ANO6: variants seen among roughly 807,000 people sequenced by gnomAD.
The protein encoded by ANO6 is anoctamin-6.
Under a neutral mutation model 117.5 loss-of-function variants are expected in ANO6, and 106 were observed. The observed-to-expected ratio is 0.90, with a 90% CI of 0.77 to 1.06. ANO6 has a LOEUF of 1.06. Among genes scored for constraint, ANO6 ranks in the 50% least tolerant of loss-of-function variants. The pLI, the probability that ANO6 is intolerant of heterozygous loss-of-function variation, is 0.00. For synonymous variants in ANO6, 367 were observed against 385.1 expected (o/e 0.95, Z 0.55); for missense variants, 955 against 1,121.1 (o/e 0.85, Z 2.12).
intron 11 of ANO6, among the ~76,000 whole-genome samples, chr12:45,390,173 G>A (rs75983301): frequency 0.013 from 1,985 of 152,212 alleles, 38 homozygotes; most frequent in African/African-American, 0.042. Context: ...TCCTGAGCTC[G>A]GGTCGTGGCC....
intron 1 of ANO6, among the ~76,000 whole-genome samples, chr12:45,260,460 G>A (rs1029184468): frequency 3.3e-5 from 5 of 152,224 alleles, no homozygotes; most frequent in African/African-American, 1.2e-4. Flanking sequence ...GCAAGGCAAA[G>A]CAAAGGACAA....
At chr12:45,348,764 C>A (rs1941208954) in intron 6 of ANO6, 133 bp downstream of exon 6, 2 of 744,226 alleles carry the variant, frequency 2.7e-6, no homozygotes, top group Non-Finnish European at 4.8e-6. Context: ...AGATTACAAG[C>A]TCATTTAGGG....
intron 11 of ANO6, among the ~76,000 whole-genome samples, chr12:45,389,049 G>A (rs1294932027): frequency 6.6e-6 from 1 of 152,150 alleles, no homozygotes; most frequent in Non-Finnish European, 1.5e-5. Flanking sequence ...ATCAGCATAA[G>A]AACAGTAGGT....
chr12:45,372,821 A>G (rs1224722322), intron 9 of ANO6, among the ~76,000 whole-genome samples: 28 of 152,352 alleles, frequency 1.8e-4, no homozygotes, highest in Admixed American at 6.5e-5. Flanking sequence ...CAAAATCACC[A>G]GCTAACATCA....
At chr12:45,293,772 A>G (rs1939196713) in intron 1 of ANO6, among the ~76,000 whole-genome samples, 1 of 121,540 alleles carries the variant, frequency 8.2e-6, no homozygotes, top group Non-Finnish European at 1.6e-5. Context: ...TTTAGTAGAG[A>G]CAGGGTTTCA....
intron 3 of ANO6, among the ~76,000 whole-genome samples, chr12:45,339,723 C>T (rs935768262): frequency 1.3e-5 from 2 of 152,000 alleles, no homozygotes; most frequent in Non-Finnish European, 2.9e-5. Flanking sequence ...ACCAAACCTT[C>T]GGGAGAACTA....
intron 10 of ANO6, among the ~76,000 whole-genome samples, chr12:45,387,835 A>G (rs1472659935): frequency 1.3e-5 from 2 of 152,078 alleles, no homozygotes; most frequent in Non-Finnish European, 2.9e-5. Flanking sequence ...TCCTGTTCTC[A>G]TGATAGTGAG....
chr12:45,264,708 A>G (rs17095584), intron 1 of ANO6, among the ~76,000 whole-genome samples: 4,804 of 152,330 alleles, frequency 0.032, 119 homozygotes, highest in East Asian at 0.069. Flanking sequence ...GTGGTACAGT[A>G]AATCTTGCTT....
intron 2 of ANO6, among the ~76,000 whole-genome samples, chr12:45,322,726 G>C (rs975807023): frequency 3.9e-5 from 6 of 152,164 alleles, no homozygotes; most frequent in African/African-American, 1.4e-4. Context: ...AACTGCCTCA[G>C]AGGTAGAGGC....
chr12:45,260,184 T>C (rs1367144105), intron 1 of ANO6, among the ~76,000 whole-genome samples: 1 of 152,226 alleles, frequency 6.6e-6, no homozygotes, highest in African/African-American at 2.4e-5. Flanking sequence ...GGTTGAGTTT[T>C]ATAGCCCAAA....
intron 3 of ANO6, among the ~76,000 whole-genome samples, chr12:45,333,040 T>C (rs1940720076): frequency 6.6e-6 from 1 of 151,976 alleles, no homozygotes; most frequent in Non-Finnish European, 1.5e-5. Flanking sequence ...CATTGTTGAA[T>C]TTTTTCTTAT....
chr12:45,236,045 A>G (rs1178447946), intron 1 of ANO6, among the ~76,000 whole-genome samples: 1 of 152,226 alleles, frequency 6.6e-6, no homozygotes, highest in East Asian at 1.9e-4. Context: ...CTGCCTCAGG[A>G]GAAGGAAATT....
chr12:45,239,079 T>G (rs947613486), intron 1 of ANO6, among the ~76,000 whole-genome samples: 3 of 152,232 alleles, frequency 2.0e-5, no homozygotes, highest in Non-Finnish European at 4.4e-5. Context: ...GAGGATTCCC[T>G]CTTTTTCTAT....
In ANO6 at chr12:45,216,112, C is replaced by T. The variant is rs1947304161; in HGVS notation, c.-210C>T. The T allele has an allele frequency of 1.2e-5, 7 of 572,666 alleles. No individual in the cohort carries two copies. The highest frequency in any genetic ancestry group is 5.9e-5 in the African/African-American group (3 of 50,654). The allele number at this position is 572,666 out of a possible 1,614,324, so 35.5% of individuals were successfully genotyped here. A position where few individuals can be genotyped will look rare whatever the true frequency, so the allele number is the denominator to read the frequency against. On this transcript the variant is annotated 5_prime_UTR_variant, in exon 1 of 20. Coordinates refer to ENST00000320560, the MANE Select transcript of ANO6 (RefSeq NM_001025356.3). The stretch of plus-strand genomic sequence containing the variant: ...GCATGCTCAGTCTCCGGGCTCCGCT[C>T]GGCAGGCGAGAGGCGTCCTCCGGCT...
chr12:45,371,747 C>T (rs1257105203), intron 9 of ANO6, among the ~76,000 whole-genome samples: 1 of 152,212 alleles, frequency 6.6e-6, no homozygotes, highest in African/African-American at 2.4e-5. Flanking sequence ...TAGATAAAAC[C>T]ACAAAGATGG....
intron 8 of ANO6, among the ~76,000 whole-genome samples, chr12:45,360,285 C>G (rs931712050): frequency 1.3e-5 from 2 of 152,106 alleles, no homozygotes; most frequent in African/African-American, 2.4e-5. Flanking sequence ...ATCAAGTTGC[C>G]GACATTTGGT....
At chr12:45,345,082 T>C (rs1018078310) in intron 3 of ANO6, among the ~76,000 whole-genome samples, 2 of 152,228 alleles carry the variant, frequency 1.3e-5, no homozygotes, top group Non-Finnish European at 2.9e-5. Flanking sequence ...TGGTTTCCTC[T>C]GCTACTCTAT....
chr12:45,219,569 C>G (rs983438793), intron 1 of ANO6, among the ~76,000 whole-genome samples: 3 of 146,228 alleles, frequency 2.1e-5, no homozygotes, highest in Admixed American at 7.0e-5. Flanking sequence ...GTTTCAAACT[C>G]CTGAGCTTAA....
intron 2 of ANO6, among the ~76,000 whole-genome samples, chr12:45,309,277 G>A (rs753698899): frequency 3.3e-5 from 5 of 152,056 alleles, no homozygotes; most frequent in Admixed American, 6.6e-5. Context: ...GAACATGTGA[G>A]CCCAGAATCA....
Sources: allele counts gnomAD v4.1 joint callset (sites outside exome capture counted in the v4.1 genomes callset), GRCh38; gene constraint gnomAD v4.1.1; transcripts MANE v1.5; gene names NCBI Gene and HGNC (gene_info 2026-07-23, HGNC 2026-07-21).